Variants in OGDHL observed in about 807,000 individuals in gnomAD.
The protein encoded by OGDHL is oxoglutarate dehydrogenase L.
Under a neutral mutation model 109.6 loss-of-function variants are expected in OGDHL, and 79 were observed. The ratio of observed to expected loss-of-function variants is 0.72; its 90% CI spans 0.60 to 0.87. The LOEUF (loss-of-function observed/expected upper bound fraction) is 0.87. OGDHL is among the 40% of genes least tolerant of loss of function. OGDHL has a pLI of 0.00. For synonymous variants in OGDHL, 528 were observed against 537.2 expected (o/e 0.98, Z 0.24); for missense variants, 1,275 against 1,362.2 (o/e 0.94, Z 1.01).
chr10:49,760,291 G>A (rs565432853), intron 1 of OGDHL, among the ~76,000 whole-genome samples: 9 of 152,322 alleles, frequency 5.9e-5, no homozygotes, highest in South Asian at 2.1e-4. Flanking sequence ...CCCAGCCCAC[G>A]AGCCAGTGAT....
Position 49,736,075 on chromosome 10 carries a change from C to T in OGDHL, c.2857G>A (p.Asp953Asn). Residue 953 changes from aspartate (D) to asparagine (N), a missense_variant, in exon 22 of 23, where the codon GAC becomes AAC. Coordinates refer to ENST00000374103, the MANE Select transcript of OGDHL (RefSeq NM_018245.3). ...GTCATGAAGCGTGGGCTGATGTAGTCATAGTAGCCCATGTTCTTGTGCTCC... is the reference window on the plus strand; with the variant it reads ...GTCATGAAGCGTGGGCTGATGTAGTTATAGTAGCCCATGTTCTTGTGCTCC... Reference protein sequence around the residue: ...QEEHKNMGYYDYISPRFMTIL... With the variant: ...QEEHKNMGYYNYISPRFMTIL... The T allele has an allele frequency of 6.2e-7, 1 of 1,611,034 alleles. No individual in the cohort carries two copies. The highest frequency in any genetic ancestry group is 8.5e-7 in the Non-Finnish European group (1 of 1,178,420).
rs1842939985 is a variant in OGDHL, at chr10:49,756,741, G to A, written c.375+35C>T. 6 of 1,587,976 alleles carry A rather than the reference G, an allele frequency of 3.8e-6. No homozygotes were observed. In the East Asian group the frequency reaches 1.4e-4, roughly 36 times the overall value. ...GCCTGGCCACACCCCAGGAGCCAGT[G>A]CAGCCTCCCAGGCTGTGCCTCAGCT... On this transcript the variant is annotated intron_variant, in intron 3 of 22. Transcript: ENST00000374103.
chr10:49,740,955 C>T, intron 15 of OGDHL, 118 bp from the exon 16 acceptor site: 3 of 1,300,312 alleles, frequency 2.3e-6, no homozygotes, highest in Non-Finnish European at 3.2e-6. Context: ...CCCAGGAAAC[C>T]TGCAGGGTCC....
At chr10:49,747,259 G>A in intron 8 of OGDHL, 51 bp from the exon 9 acceptor site, 1 of 1,585,712 alleles carries the variant, frequency 6.3e-7, no homozygotes, top group Non-Finnish European at 8.6e-7. Flanking sequence ...ACATCAGACA[G>A]GCAGATACAC....
chr10:49,756,764 G>A lies in OGDHL; in HGVS notation c.375+12C>T, dbSNP rs1261997556. ...GTGCAGCCTCCCAGGCTGTGCCTCA[G>A]CTGCCCCTCACCTGGTAGGCCCGGA... On this transcript the variant is annotated intron_variant, in intron 3 of 22. Coordinates refer to ENST00000374103, the MANE Select transcript of OGDHL (RefSeq NM_018245.3). 1.2e-6 allele frequency: 2 copies of A among 1,609,192 alleles called. No individual in the cohort carries two copies. Among genetic ancestry groups the A allele is most frequent in the Admixed American group, 1.7e-5 (1 of 59,772 alleles).
At chr10:49,758,764 T>A in intron 1 of OGDHL, 171 bp from the exon 2 acceptor site, 1 of 672,618 alleles carries the variant, frequency 1.5e-6, no homozygotes, top group East Asian at 2.7e-5. Flanking sequence ...CTGGGCTTAC[T>A]GTCTGGTGGA....
intron 15 of OGDHL, 53 bp from the exon 16 acceptor site, chr10:49,740,890 T>C: frequency 5.0e-6 from 8 of 1,607,366 alleles, no homozygotes; most frequent in East Asian, 2.2e-5. Flanking sequence ...CTGGCACCTG[T>C]TCACCTGGAG....
chr10:49,752,558 A>G, intron 4 of OGDHL, 80 bp downstream of exon 4: 1 of 1,193,838 alleles, frequency 8.4e-7, no homozygotes, highest in Non-Finnish European at 1.3e-6. Flanking sequence ...CCCAAGGATC[A>G]GGCTGTCCCT....
chr10:49,757,086 C>A, intron 2 of OGDHL, 140 bp from the exon 3 acceptor site: 1 of 730,322 alleles, frequency 1.4e-6, no homozygotes, highest in Non-Finnish European at 2.1e-6. Flanking sequence ...CCTAGATGTA[C>A]ATACAACGAT....
chr10:49,759,535 G>A (rs1333347996), intron 1 of OGDHL, among the ~76,000 whole-genome samples: 1 of 151,932 alleles, frequency 6.6e-6, no homozygotes, highest in Non-Finnish European at 1.5e-5. Context: ...AGAGCCCTCT[G>A]CCAATCCTGG....
At chr10:49,753,888 TAAAAAAAAAAAAA>T (rs63200161) in intron 3 of OGDHL, among the ~76,000 whole-genome samples, 4 of 87,262 alleles carry the variant, frequency 4.6e-5, no homozygotes, top group African/African-American at 1.2e-4. Context: ...AAACTCCATC[TAAAAAAAAAAAAA>T]AAAAAAAAAA....
chr10:49,739,512 A>G (rs1841477490), intron 17 of OGDHL, 149 bp downstream of exon 17: 1 of 865,642 alleles, frequency 1.2e-6, no homozygotes, highest in Non-Finnish European at 1.7e-6. Flanking sequence ...CAGCATGCAC[A>G]TGTGCAGACC....
intron 15 of OGDHL, among the ~76,000 whole-genome samples, chr10:49,741,720 A>C (rs994634229): frequency 3.3e-5 from 5 of 149,326 alleles, no homozygotes; most frequent in Admixed American, 2.0e-4. Context: ...ACATACATAC[A>C]CACACACCAC....
intron 1 of OGDHL, among the ~76,000 whole-genome samples, chr10:49,761,843 T>C (rs542004124): frequency 1.3e-5 from 2 of 152,278 alleles, no homozygotes; most frequent in African/African-American, 2.4e-5. Context: ...CGAAGCTGCC[T>C]ATGGGTCCCG....
chr10:49,748,742 C>CCACACACACACACACACACA lies in OGDHL; in HGVS notation c.987+964_987+983dup, dbSNP rs3223401. On this transcript the variant is annotated intron_variant, in intron 8 of 22. Coordinates refer to ENST00000374103, the MANE Select transcript of OGDHL (RefSeq NM_018245.3). ...GGGATAGGAGCCAGTAGGTATGGGT[C>CCACACACACACACACACACA]CACACACACACACACACACACACAC... Among the ~76,000 whole-genome samples the CCACACACACACACACACACA allele has an allele frequency of 1.9e-3, 260 of 133,946 alleles. 3 individuals carry two copies. Among genetic ancestry groups the CCACACACACACACACACACA allele is most frequent in the African/African-American group, 6.7e-3 (234 of 34,920 alleles). 87.9% of individuals were successfully genotyped at this position (133,946 alleles called of 152,430 possible).
In OGDHL at chr10:49,752,659, T is replaced by G; in HGVS notation, c.457A>C (p.Ile153Leu). The G allele has an allele frequency of 6.2e-7, 1 of 1,614,126 alleles. No individual in the cohort carries two copies. Among genetic ancestry groups the G allele is most frequent in the East Asian group, 2.2e-5 (1 of 44,872 alleles). The change falls in exon 4 of 23, where the codon ATC (isoleucine) becomes CTC (leucine). Residue 153 changes from isoleucine (I) to leucine (L), a missense_variant. Physicochemically the swap from Ile to Leu is conservative, Grantham distance 5. Transcript: ENST00000374103. ...TTACCCAGTTTATCAATGGTTGTGA[T>G]CAAGTCTGAGGGCACAAAGGAGTCC... ...DLDSFVPSDLITTIDKLAFYD... is the reference protein window; with the variant it reads ...DLDSFVPSDLLTTIDKLAFYD...
In OGDHL at chr10:49,737,155, T is replaced by C. The variant is rs182315746; in HGVS notation, c.2590+631A>G. On this transcript the variant is annotated intron_variant, in intron 20 of 22. Transcript: ENST00000374103. ...GCCAGCACAGGGCAGGTAGCCCAGGTAGTCCAGTCCCGACATCAGAGCTCT... is the reference window on the plus strand; with the variant it reads ...GCCAGCACAGGGCAGGTAGCCCAGGCAGTCCAGTCCCGACATCAGAGCTCT... Among the ~76,000 whole-genome samples the C allele has an allele frequency of 6.6e-5, 10 of 152,190 alleles. No homozygotes were observed. The East Asian group carries it at 1.9e-3, about 29-fold the overall frequency.
intron 9 of OGDHL, 41 bp downstream of exon 9, chr10:49,746,988 T>G: frequency 1.2e-6 from 2 of 1,609,388 alleles, no homozygotes; most frequent in Non-Finnish European, 1.7e-6. Flanking sequence ...GGGCCCACCC[T>G]GAAGGGCCCA....
chr10:49,749,859 GGCCT>G, intron 7 of OGDHL, 43 bp from the exon 8 acceptor site: 1 of 1,525,264 alleles, frequency 6.6e-7, no homozygotes, highest in Non-Finnish European at 8.8e-7. Flanking sequence ...AAAGCCCGCA[GGCCT>G]CAGGGTTCCC....
Sources: allele counts gnomAD v4.1 joint callset (sites outside exome capture counted in the v4.1 genomes callset), GRCh38; gene constraint gnomAD v4.1.1; transcripts MANE v1.5; gene names NCBI Gene and HGNC (gene_info 2026-07-23, HGNC 2026-07-21).